The following ZNF730 variants were observed in gnomAD, a reference collection of about 807,000 sequenced individuals.
The protein encoded by ZNF730 is putative zinc finger protein 730.
In ZNF730, 12 loss-of-function variants were observed where a neutral mutation model predicts 12.6. That is an observed-to-expected ratio of 0.95 (90% CI 0.61 to 1.54). The LOEUF (loss-of-function observed/expected upper bound fraction) is 1.54, where lower values mean the gene tolerates loss of function less well. Ranked by LOEUF, ZNF730 falls within the 40% of genes most tolerant of loss-of-function variation. The pLI is 0.00. For synonymous variants in ZNF730, 194 were observed against 195.8 expected (o/e 0.99, Z 0.08); for missense variants, 643 against 583.5 (o/e 1.10, Z -1.05).
At chr19:23,084,459 C>CT (rs1970022231) in intron 1 of ZNF730, among the ~76,000 whole-genome samples, 1 of 152,156 alleles carries the variant, frequency 6.6e-6, no homozygotes, top group African/African-American at 2.4e-5. Context: ...GCCGATTCTT[C>CT]TTTAAAACGT....
intron 1 of ZNF730, among the ~76,000 whole-genome samples, chr19:23,120,072 G>A (rs1038221680): frequency 6.8e-6 from 1 of 146,230 alleles, no homozygotes; most frequent in Non-Finnish European, 1.5e-5. Context: ...TCGGCTCACT[G>A]CAACCTCCAC....
intron 1 of ZNF730, among the ~76,000 whole-genome samples, chr19:23,091,063 G>T (rs534386803): frequency 4.6e-5 from 7 of 151,914 alleles, no homozygotes; most frequent in African/African-American, 9.7e-5. Flanking sequence ...TCCCCATGCT[G>T]TGTGCAGCCT....
intron 1 of ZNF730, among the ~76,000 whole-genome samples, chr19:23,087,276 C>T (rs2963071): frequency 0.3 from 45,471 of 151,754 alleles, 7,661 homozygotes; most frequent in African/African-American, 0.46. Context: ...GGCATGGTGG[C>T]GGGTGCCTGT....
chr19:23,108,752 G>GTTTGTT (rs1970425231), intron 1 of ZNF730, among the ~76,000 whole-genome samples: 1 of 150,836 alleles, frequency 6.6e-6, no homozygotes, highest in Non-Finnish European at 1.5e-5. Context: ...TTTTTTGTTT[G>GTTTGTT]TTTGTTTTTG....
intron 1 of ZNF730, among the ~76,000 whole-genome samples, chr19:23,078,578 A>T (rs909545575): frequency 6.6e-6 from 1 of 152,106 alleles, no homozygotes; most frequent in Non-Finnish European, 1.5e-5. Flanking sequence ...GATGGTAGAG[A>T]TAATGATCAA....
intron 1 of ZNF730, among the ~76,000 whole-genome samples, chr19:23,087,618 CTTT>C (rs555576971): frequency 3.7e-5 from 5 of 135,746 alleles, no homozygotes; most frequent in Non-Finnish European, 4.8e-5. Flanking sequence ...TCTTTTCTTG[CTTT>C]TTTTTTTTTT....
rs763721978 is a variant in ZNF730 at position 23,145,775 on chromosome 19, C to T, written c.731C>T (p.Thr244Ile). 1.2e-5 allele frequency: 19 copies of T among 1,575,738 alleles called. 1 individual carries two copies. The Middle Eastern group carries it at 1.0e-3, about 83-fold the overall frequency. ...GKAFNWFSHF[T>I]THKRIHTGEK... Reference sequence around the variant, plus strand: ...GCCTTTAACTGGTTTTCACATTTTACTACACATAAGAGAATTCATACTGGA... The same window carrying T: ...GCCTTTAACTGGTTTTCACATTTTATTACACATAAGAGAATTCATACTGGA... The change falls in exon 4 of 4, where the codon ACT becomes ATT. Residue 244 changes from threonine to isoleucine, a missense_variant. Transcript: ENST00000597761.
chr19:23,129,988 C>T (rs575097500), intron 1 of ZNF730, among the ~76,000 whole-genome samples: 104 of 134,968 alleles, frequency 7.7e-4, no homozygotes, highest in Middle Eastern at 3.9e-3. Context: ...AGCGAGACTC[C>T]GCCTCAAAAA....
At chr19:23,102,147 A>G (rs1970342374) in intron 1 of ZNF730, among the ~76,000 whole-genome samples, 1 of 152,146 alleles carries the variant, frequency 6.6e-6, no homozygotes, top group Admixed American at 6.6e-5. Flanking sequence ...TGTCCACAGG[A>G]AACATTGTGA....
chr19:23,075,956 A>G (rs1015293037), intron 1 of ZNF730, among the ~76,000 whole-genome samples: 1 of 151,938 alleles, frequency 6.6e-6, no homozygotes, highest in South Asian at 2.1e-4. Context: ...AACACAGGGG[A>G]CTAGAGCCAC....
chr19:23,143,883 TTA>T (rs1329750429), intron 3 of ZNF730: 1 of 152,148 alleles, frequency 6.6e-6, no homozygotes, highest in Non-Finnish European at 1.5e-5. Context: ...GAAATTGTGC[TTA>T]TATATGTATT....
chr19:23,096,759 A>G (rs1397320424), intron 1 of ZNF730, among the ~76,000 whole-genome samples: 3 of 152,270 alleles, frequency 2.0e-5, no homozygotes, highest in South Asian at 2.1e-4. Flanking sequence ...ACTCTGCTCT[A>G]TGGATTGGGC....
chr19:23,108,911 G>C (rs140610400), intron 1 of ZNF730, among the ~76,000 whole-genome samples: 1 of 151,896 alleles, frequency 6.6e-6, no homozygotes, highest in African/African-American at 2.4e-5. Flanking sequence ...CACCATGCAC[G>C]GCTAATTTTT....
intron 1 of ZNF730, among the ~76,000 whole-genome samples, chr19:23,119,709 C>T (rs542098787): frequency 7.2e-5 from 11 of 152,004 alleles, no homozygotes; most frequent in Non-Finnish European, 1.0e-4. Context: ...CCCAGCTGCT[C>T]GGGAGGCTGA....
rs1225553475 is a variant in ZNF730, at chr19:23,136,050, G to C, written c.226+7G>C. ...ATGGTAGCCAAACCCCCAGGTAGGT[G>C]ACAGTAAATACAATACACAAAACTG... On this transcript the variant is annotated splice_region_variant and intron_variant, in intron 3 of 3. Transcript: ENST00000597761. The C allele has an allele frequency of 6.3e-7, 1 of 1,585,756 alleles. No homozygotes were observed. Among genetic ancestry groups the C allele is most frequent in the African/African-American group, 1.4e-5 (1 of 73,542 alleles).
At chr19:23,128,113 G>A in intron 1 of ZNF730, 1 of 877,428 alleles carries the variant, frequency 1.1e-6, no homozygotes, top group Non-Finnish European at 1.9e-6. Flanking sequence ...TTTGGATGTA[G>A]GCCTTGCCAG....
intron 1 of ZNF730, among the ~76,000 whole-genome samples, chr19:23,085,348 A>G (rs1286014942): frequency 3.1e-5 from 4 of 129,208 alleles, no homozygotes; most frequent in Admixed American, 1.5e-4. Flanking sequence ...TCCTTTACCC[A>G]TCTTTTTTTG....
chr19:23,134,437 A>G (rs1284049835), intron 2 of ZNF730, among the ~76,000 whole-genome samples: 21 of 114,112 alleles, frequency 1.8e-4, no homozygotes, highest in African/African-American at 3.8e-4. Flanking sequence ...AGGGAGGCGG[A>G]GGGGGGTCGG....
chr19:23,081,073 C>T (rs934314943), intron 1 of ZNF730, among the ~76,000 whole-genome samples: 1 of 150,874 alleles, frequency 6.6e-6, no homozygotes, highest in Non-Finnish European at 1.5e-5. Flanking sequence ...CTCGAACTCC[C>T]GACCTCAGGT....
Sources: gnomAD v4.1 joint callset for allele counts (sites outside exome capture counted in the v4.1 genomes callset) on GRCh38, gnomAD v4.1.1 for gene constraint, MANE v1.5 for transcripts, NCBI Gene and HGNC (gene_info 2026-07-23, HGNC 2026-07-21) for gene names.